The following PAPPA2 variants were observed in gnomAD, a reference collection of about 807,000 sequenced individuals.
PAPPA2 encodes the protein pappalysin-2.
Under a neutral mutation model 176.4 loss-of-function variants are expected in PAPPA2, and 86 were observed. The ratio of observed to expected loss-of-function variants is 0.49; its 90% CI spans 0.41 to 0.58. The LOEUF (loss-of-function observed/expected upper bound fraction) is 0.58, where lower values mean the gene tolerates loss of function less well. Among genes scored for constraint, PAPPA2 ranks in the 20% least tolerant of loss-of-function variants. The probability of loss-of-function intolerance (pLI) is 0.00; values close to 1 mark genes in which losing one functional copy is unlikely to be tolerated. For missense variants in PAPPA2, 2,073 were observed against 2,256.9 expected, an observed-to-expected ratio of 0.92 and a Z score of 1.65; for synonymous variants, 809 against 852.2, an observed-to-expected ratio of 0.95 and a Z score of 0.88.
intron 12 of PAPPA2, among the ~76,000 whole-genome samples, chr1:176,718,090 A>G (rs1247751533): frequency 1.3e-5 from 2 of 152,216 alleles, no homozygotes; most frequent in African/African-American, 4.8e-5. Flanking sequence ...GAGGAAAAAA[A>G]TACAATTATG....
At chr1:176,746,823 A>G (rs532454225) in intron 14 of PAPPA2, among the ~76,000 whole-genome samples, 1 of 152,316 alleles carries the variant, frequency 6.6e-6, no homozygotes, top group South Asian at 2.1e-4. Flanking sequence ...AATCTTTTAA[A>G]ATAAATATCC....
At position 176,771,156 on chromosome 1, in the gene PAPPA2, A is replaced by C. The variant is rs1434938914; in HGVS notation, c.4691A>C (p.Glu1564Ala). Residue 1564 changes from glutamate (E) to alanine (A), a missense_variant, in exon 17 of 23, where the codon GAA becomes GCA. By Grantham distance (107) the Glu-to-Ala change is moderately radical (BLOSUM62 -1). This residue lies in a region of PAPPA2 where 846 missense variants were observed against 857.9 expected (regional missense o/e 0.99). Transcript: ENST00000367662. ...YECKPGYYVA[E>A]SAEGKVRNKL... ...TGCAAACCAGGGTACTATGTGGCAG[A>C]AAGTGCAGAGGGTAAAGTCAGGAAG... 1 of 1,614,222 alleles carries C rather than the reference A, an allele frequency of 6.2e-7. No homozygotes were observed. Among genetic ancestry groups the C allele is most frequent in the South Asian group, 1.1e-5 (1 of 91,090 alleles).
At chr1:176,839,038 G>A (rs908527640) in intron 21 of PAPPA2, among the ~76,000 whole-genome samples, 1 of 152,166 alleles carries the variant, frequency 6.6e-6, no homozygotes, top group Non-Finnish European at 1.5e-5. Context: ...ATACAAAACT[G>A]TCCTTCTATT....
intron 21 of PAPPA2, among the ~76,000 whole-genome samples, chr1:176,830,922 G>A (rs1667058161): frequency 6.6e-6 from 1 of 152,180 alleles, no homozygotes. Flanking sequence ...AGAAGAGGAG[G>A]AAGGATGACA....
chr1:176,688,147 A>C (rs1394386574), intron 4 of PAPPA2, among the ~76,000 whole-genome samples: 1 of 152,250 alleles, frequency 6.6e-6, no homozygotes, highest in Non-Finnish European at 1.5e-5. Context: ...TTTAAGCCAA[A>C]ACTTACTTAG....
chr1:176,838,769 T>C (rs1262162743), intron 21 of PAPPA2, among the ~76,000 whole-genome samples: 1 of 152,248 alleles, frequency 6.6e-6, no homozygotes, highest in Admixed American at 6.5e-5. Context: ...GAATTCATTT[T>C]CACTTCTTGC....
At chr1:176,768,404 T>G (rs923320880) in intron 15 of PAPPA2, among the ~76,000 whole-genome samples, 1 of 152,214 alleles carries the variant, frequency 6.6e-6, no homozygotes, top group Non-Finnish European at 1.5e-5. Context: ...CAATATGGCT[T>G]TATTGTTGCA....
intron 1 of PAPPA2, among the ~76,000 whole-genome samples, chr1:176,463,992 G>A (rs1208445803): frequency 6.6e-6 from 1 of 152,144 alleles, no homozygotes. Context: ...AGCAGTGAGG[G>A]AGGATATAAT....
Position 176,791,354 on chromosome 1 carries a change from T to A in PAPPA2, c.4892T>A (p.Ile1631Asn), listed in dbSNP as rs762531001. ...TTACTTTTGATATTCTAGCTTCCCA[T>A]CCTCTGCACTAAAGAGGGCCTGTGG... ...NCNQEREKLPILCTKEGLWTQ... is the reference protein window; with the variant it reads ...NCNQEREKLPNLCTKEGLWTQ... The change falls in exon 19 of 23, where the codon ATC (isoleucine) becomes AAC (asparagine). Residue 1631 changes from isoleucine (I) to asparagine (N), a missense_variant. Around this residue, in one of 4 missense-constraint regions of PAPPA2, gnomAD observed 846 missense variants for 857.9 expected, o/e 0.99. Transcript: ENST00000367662. 1.2e-6 allele frequency: 2 copies of A among 1,608,664 alleles called. No individual in the cohort carries two copies. The highest frequency in any genetic ancestry group is 2.2e-5 in the South Asian group (2 of 90,606).
At chr1:176,658,739 G>T (rs1265646578) in intron 3 of PAPPA2, among the ~76,000 whole-genome samples, 1 of 152,048 alleles carries the variant, frequency 6.6e-6, no homozygotes, top group Non-Finnish European at 1.5e-5. Context: ...TGCTATAGTG[G>T]TGCTGGCCAT....
chr1:176,520,573 G>A, intron 1 of PAPPA2, among the ~76,000 whole-genome samples: 1 of 152,184 alleles, frequency 6.6e-6, no homozygotes, highest in East Asian at 1.9e-4. Flanking sequence ...ATAAAAGATG[G>A]AATGTGCAGA....
chr1:176,744,931 G>T (rs546916410), intron 14 of PAPPA2, among the ~76,000 whole-genome samples: 1 of 152,098 alleles, frequency 6.6e-6, no homozygotes, highest in African/African-American at 2.4e-5. Flanking sequence ...CAAGAGAAAT[G>T]ACCTTATAGT....
intron 3 of PAPPA2, among the ~76,000 whole-genome samples, chr1:176,630,781 A>AAG (rs1656294955): frequency 6.6e-6 from 1 of 152,192 alleles, no homozygotes; most frequent in Non-Finnish European, 1.5e-5. Flanking sequence ...TGTCATCATA[A>AAG]AGAATTGATG....
chr1:176,512,934 T>C (rs1330040868), intron 1 of PAPPA2, among the ~76,000 whole-genome samples: 2 of 152,168 alleles, frequency 1.3e-5, no homozygotes. Flanking sequence ...CCAGGTATTT[T>C]GCAGGAAGCT....
intron 2 of PAPPA2, among the ~76,000 whole-genome samples, chr1:176,586,080 C>T (rs528006030): frequency 6.6e-6 from 1 of 152,054 alleles, no homozygotes; most frequent in South Asian, 2.1e-4. Context: ...CCTTGATTTT[C>T]TATGTTTGAT....
At chr1:176,624,482 G>A (rs1452674411) in intron 3 of PAPPA2, among the ~76,000 whole-genome samples, 18 of 152,140 alleles carry the variant, frequency 1.2e-4, no homozygotes, top group Non-Finnish European at 7.4e-5. Flanking sequence ...AATGCATGCC[G>A]ATTTTGTCAC....
At chr1:176,477,974 T>C (rs1043789127) in intron 1 of PAPPA2, among the ~76,000 whole-genome samples, 14 of 152,306 alleles carry the variant, frequency 9.2e-5, no homozygotes, top group Middle Eastern at 3.4e-3. Context: ...GGGTTATCTG[T>C]TCTTAAAGCC....
At chr1:176,796,873 C>T (rs1665467405) in intron 20 of PAPPA2, among the ~76,000 whole-genome samples, 1 of 151,414 alleles carries the variant, frequency 6.6e-6, no homozygotes, top group African/African-American at 2.4e-5. Context: ...CTTCCTTCCT[C>T]CCTCCTTCCT....
chr1:176,699,233 G>T lies in PAPPA2; in HGVS notation c.2880G>T (p.Pro960=). 6.2e-7 allele frequency: 1 copy of T among 1,613,894 alleles called. No individual in the cohort carries two copies. Residue 960 remains proline, a synonymous_variant, in exon 8 of 23, where the codon CCG becomes CCT. Coordinates refer to ENST00000367662, the MANE Select transcript of PAPPA2 (RefSeq NM_020318.3). ...GCTTGGAGCTGCTCTTCCAACACCC[G>T]GTCCAAGCCGACACCCTCACCCTGT... The part of the protein sequence containing the change: ...GCSLELLFQH[P]VQADTLTLWV...
Sources: allele counts gnomAD v4.1 joint callset (sites outside exome capture counted in the v4.1 genomes callset), GRCh38; gene constraint gnomAD v4.1.1; regional missense constraint gnomAD v4.1.1; transcripts MANE v1.5; gene names NCBI Gene and HGNC (gene_info 2026-07-23, HGNC 2026-07-21).